ST7: variants seen among roughly 807,000 people sequenced by gnomAD.
ST7 encodes suppression of tumorigenicity 7.
In ST7, 28 loss-of-function variants were observed where a neutral mutation model predicts 78.7. That is an observed-to-expected ratio of 0.36 (90% CI 0.26 to 0.49). The LOEUF (loss-of-function observed/expected upper bound fraction) is 0.49. Ranked by LOEUF, ST7 falls within the 20% of genes least tolerant of loss-of-function variation. ST7 has a pLI of 0.99. For synonymous variants in ST7, 247 were observed against 249.6 expected (o/e 0.99, Z 0.10); for missense variants, 418 against 696.0 (o/e 0.60, Z 4.49).
chr7:117,196,839 T>C (rs1481600635), intron 12 of ST7, among the ~76,000 whole-genome samples: 2 of 152,096 alleles, frequency 1.3e-5, no homozygotes, highest in Non-Finnish European at 2.9e-5. Flanking sequence ...GCTTGTGCTT[T>C]TGGTGTCATA....
chr7:117,142,386 G>A (rs1372479481), intron 9 of ST7, among the ~76,000 whole-genome samples: 2 of 152,036 alleles, frequency 1.3e-5, no homozygotes, highest in East Asian at 3.9e-4. Flanking sequence ...TCAGATTGGG[G>A]AGCTGCCTTG....
intron 1 of ST7, chr7:116,955,059 C>T (rs1220631349): frequency 6.4e-6 from 3 of 467,680 alleles, no homozygotes; most frequent in East Asian, 1.4e-4. Context: ...CTGCTCAGCC[C>T]TTTTGAGTCT....
chr7:117,114,497 A>C (rs985075703), intron 2 of ST7, among the ~76,000 whole-genome samples: 1 of 151,954 alleles, frequency 6.6e-6, no homozygotes, highest in Non-Finnish European at 1.5e-5. Context: ...GTAGACTGCC[A>C]TAAAGTTTCG....
chr7:117,159,432 A>C (rs777194432), intron 9 of ST7, among the ~76,000 whole-genome samples: 18 of 152,240 alleles, frequency 1.2e-4, no homozygotes, highest in Non-Finnish European at 2.2e-4. Flanking sequence ...ATATTTGGGC[A>C]AAACAGGGCA....
intron 1 of ST7, among the ~76,000 whole-genome samples, chr7:117,044,060 G>T (rs978417951): frequency 1.3e-5 from 2 of 152,082 alleles, no homozygotes; most frequent in African/African-American, 4.8e-5. Flanking sequence ...TTCAACCTAC[G>T]TTGTTCTTTC....
chr7:117,057,175 A>G (rs1246704484), intron 1 of ST7, among the ~76,000 whole-genome samples: 1 of 152,204 alleles, frequency 6.6e-6, no homozygotes. Flanking sequence ...AGGTTTTCAT[A>G]TACATACTTA....
At chr7:117,124,622 A>G (rs1803676330) in intron 3 of ST7, among the ~76,000 whole-genome samples, 1 of 152,196 alleles carries the variant, frequency 6.6e-6, no homozygotes, top group Admixed American at 6.5e-5. Flanking sequence ...GTTCAGTGGC[A>G]GGATTGCCAG....
chr7:117,119,426 A>G, intron 2 of ST7, 135 bp from the exon 3 acceptor site: 1 of 880,736 alleles, frequency 1.1e-6, no homozygotes, highest in African/African-American at 1.7e-5. Context: ...CTAAAATCTA[A>G]TTTTTAGAAT....
intron 10 of ST7, among the ~76,000 whole-genome samples, chr7:117,180,320 G>A (rs944191300): frequency 1.1e-4 from 16 of 152,190 alleles, no homozygotes; most frequent in African/African-American, 2.4e-5. Flanking sequence ...AACAGGTGGT[G>A]TGTACAGCTG....
Position 117,108,861 on chromosome 7 carries a change from A to G in ST7, c.234+9017A>G, listed in dbSNP as rs181379218. Among the ~76,000 whole-genome samples, 4 of 152,064 alleles carry G rather than the reference A, an allele frequency of 2.6e-5. No homozygotes were observed. In the East Asian group the frequency reaches 7.7e-4, roughly 29 times the overall value. On this transcript the variant is annotated intron_variant, in intron 2 of 15. Coordinates refer to ENST00000323984, the MANE Select transcript of ST7 (RefSeq NM_001369598.1). ...TTTTTATTTTTTTATTTTTACAGCT[A>G]CTGTAAAAGTGGTTGAGTTCTTCAT...
intron 1 of ST7, among the ~76,000 whole-genome samples, chr7:116,983,492 G>T (rs1034188235): frequency 2.0e-5 from 3 of 152,108 alleles, no homozygotes; most frequent in African/African-American, 4.8e-5. Flanking sequence ...TTGCTCAGTT[G>T]TCTGGGCTCC....
At chr7:117,013,372 A>G (rs947811791) in intron 1 of ST7, among the ~76,000 whole-genome samples, 3 of 152,220 alleles carry the variant, frequency 2.0e-5, no homozygotes, top group African/African-American at 7.2e-5. Flanking sequence ...ATTAAGGCCT[A>G]ATAAATGAGA....
intron 1 of ST7, among the ~76,000 whole-genome samples, chr7:116,989,824 G>A (rs1252510554): frequency 1.3e-5 from 2 of 152,118 alleles, no homozygotes; most frequent in Non-Finnish European, 2.9e-5. Context: ...AGGTGACAGA[G>A]TGATACCCTC....
At chr7:117,129,927 T>C (rs894033029) in intron 4 of ST7, 80 bp downstream of exon 4, 4 of 1,129,046 alleles carry the variant, frequency 3.5e-6, no homozygotes, top group Non-Finnish European at 3.9e-6. Context: ...TGCTGGTTCA[T>C]TTAGGGGTCA....
At chr7:117,161,875 C>G (rs569669660) in intron 9 of ST7, among the ~76,000 whole-genome samples, 80 of 152,250 alleles carry the variant, frequency 5.3e-4, no homozygotes, top group African/African-American at 1.8e-3. Flanking sequence ...GCTGGGATTA[C>G]AGGTGTGAGC....
chr7:117,041,427 A>T (rs1332894255), intron 1 of ST7, among the ~76,000 whole-genome samples: 3 of 152,202 alleles, frequency 2.0e-5, no homozygotes, highest in Non-Finnish European at 4.4e-5. Context: ...CTTTTAAAGG[A>T]TTAATATTAG....
At chr7:116,999,577 G>T (rs904925995) in intron 1 of ST7, among the ~76,000 whole-genome samples, 1 of 152,196 alleles carries the variant, frequency 6.6e-6, no homozygotes, top group African/African-American at 2.4e-5. Flanking sequence ...CCAGCCACTG[G>T]ACATTCTTCT....
intron 1 of ST7, among the ~76,000 whole-genome samples, chr7:117,019,497 C>T (rs1795774774): frequency 6.6e-6 from 1 of 152,158 alleles, no homozygotes; most frequent in South Asian, 2.1e-4. Flanking sequence ...CAGGTGTGTG[C>T]ACACAGCCTT....
chr7:117,075,678 C>T (rs770948103), intron 1 of ST7, among the ~76,000 whole-genome samples: 1 of 152,182 alleles, frequency 6.6e-6, no homozygotes, highest in Non-Finnish European at 1.5e-5. Context: ...CCTGTCATCT[C>T]CCTGCCTTTA....
Sources: allele counts gnomAD v4.1 joint callset (sites outside exome capture counted in the v4.1 genomes callset), GRCh38; gene constraint gnomAD v4.1.1; transcripts MANE v1.5; gene names NCBI Gene and HGNC (gene_info 2026-07-23, HGNC 2026-07-21).